Variants in SNAP91 observed in about 807,000 individuals in gnomAD.
The protein encoded by SNAP91 is synaptosome associated protein 91.
SNAP91 carries 27 observed loss-of-function variants against 100.3 expected under a neutral mutation model. The ratio of observed to expected loss-of-function variants is 0.27; its 90% CI spans 0.20 to 0.37. The LOEUF (loss-of-function observed/expected upper bound fraction) is 0.37. SNAP91 is among the 10% of genes least tolerant of loss of function. The probability of loss-of-function intolerance (pLI) is 1.00; values close to 1 mark genes in which losing one functional copy is unlikely to be tolerated. For synonymous variants in SNAP91, 404 were observed against 398.6 expected, an observed-to-expected ratio of 1.01 and a Z score of -0.16; for missense variants, 986 against 1,123.7, an observed-to-expected ratio of 0.88 and a Z score of 1.75.
intron 26 of SNAP91, among the ~76,000 whole-genome samples, chr6:83,573,255 GACCTCTTCA>G (rs1811711370): frequency 6.6e-6 from 1 of 152,104 alleles, no homozygotes; most frequent in Non-Finnish European, 1.5e-5. Flanking sequence ...GGATGTGAAG[GACCTCTTCA>G]AGGAGAACTA....
At chr6:83,580,102 C>A (rs1029072734) in intron 24 of SNAP91, among the ~76,000 whole-genome samples, 28 of 152,148 alleles carry the variant, frequency 1.8e-4, no homozygotes, top group Admixed American at 3.3e-4. Context: ...TACTATACTT[C>A]ATGTAAGTTA....
At chr6:83,694,884 G>T (rs1218878291) in intron 2 of SNAP91, among the ~76,000 whole-genome samples, 4 of 151,928 alleles carry the variant, frequency 2.6e-5, no homozygotes, top group East Asian at 3.9e-4. Flanking sequence ...GACTAATACG[G>T]GTATAAATTA....
chr6:83,707,128 C>A (rs1268996721), intron 2 of SNAP91, among the ~76,000 whole-genome samples: 3 of 152,170 alleles, frequency 2.0e-5, no homozygotes, highest in Non-Finnish European at 2.9e-5. Flanking sequence ...ATAGCATAGT[C>A]ATCTCACCCA....
rs537922835 is a variant in SNAP91, at chr6:83,589,541, T to C, written c.2014+1670A>G. Among the ~76,000 whole-genome samples the C allele has an allele frequency of 5.9e-5, 9 of 152,300 alleles. 1 individual carries two copies. The South Asian group carries it at 1.2e-3, about 21-fold the overall frequency. ...GCTTCTCAGCATAAGTTCTCAGCAA[T>C]ATCATGGTGGGGCCCTGGTTCTTCA... On this transcript the variant is annotated intron_variant, in intron 22 of 29. Transcript: ENST00000369694.
At chr6:83,565,887 T>C (rs1243842123) in intron 26 of SNAP91, among the ~76,000 whole-genome samples, 2 of 152,184 alleles carry the variant, frequency 1.3e-5, no homozygotes, top group Admixed American at 6.5e-5. Flanking sequence ...GTAGCTGCTA[T>C]GGAAACGCTT....
intron 2 of SNAP91, among the ~76,000 whole-genome samples, chr6:83,690,779 T>C (rs941502344): frequency 6.6e-6 from 1 of 152,060 alleles, no homozygotes; most frequent in African/African-American, 2.4e-5. Context: ...TAAATAGCAG[T>C]CTAAAAATTA....
chr6:83,665,384 C>A (rs13192685), intron 3 of SNAP91, 55 bp downstream of exon 3: 378,469 of 1,541,378 alleles, frequency 0.25, 49,271 homozygotes, highest in East Asian at 0.41. Context: ...CATCACCATG[C>A]TCTTCCTAAA....
At chr6:83,648,421 G>A (rs961560772) in intron 7 of SNAP91, among the ~76,000 whole-genome samples, 2 of 151,132 alleles carry the variant, frequency 1.3e-5, no homozygotes, top group Non-Finnish European at 2.9e-5. Flanking sequence ...ACATTCATGT[G>A]CTAGTCCTTG....
chr6:83,655,294 A>T (rs2128687519), intron 7 of SNAP91, among the ~76,000 whole-genome samples: 1 of 152,352 alleles, frequency 6.6e-6, no homozygotes, highest in African/African-American at 2.4e-5. Context: ...CATAGAGGAC[A>T]TGTGTATGTG....
At chr6:83,703,936 A>G (rs1220473621) in intron 2 of SNAP91, among the ~76,000 whole-genome samples, 1 of 152,242 alleles carries the variant, frequency 6.6e-6, no homozygotes, top group Non-Finnish European at 1.5e-5. Flanking sequence ...AGCACTATTA[A>G]CTGAAATGAA....
At chr6:83,654,142 T>C (rs1392335587) in intron 7 of SNAP91, among the ~76,000 whole-genome samples, 1 of 152,190 alleles carries the variant, frequency 6.6e-6, no homozygotes, top group African/African-American at 2.4e-5. Flanking sequence ...TTTTTAATTC[T>C]CAGACTTGGC....
In SNAP91 at chr6:83,589,406, T is replaced by C. The variant is rs77474616; in HGVS notation, c.2014+1805A>G. 1.2e-4 allele frequency among the ~76,000 whole-genome samples: 19 copies of C among 152,344 alleles called. No homozygotes were observed. The East Asian group carries it at 3.3e-3, about 26-fold the overall frequency. ...TATGATTTCCTTATGTTTTGATACT[T>C]GAACAAGGGTGAGAAATATTTTTCT... On this transcript the variant is annotated intron_variant, in intron 22 of 29. Coordinates refer to ENST00000369694, the MANE Select transcript of SNAP91 (RefSeq NM_001242792.2).
chr6:83,598,930 C>G (rs1015524684), intron 16 of SNAP91, among the ~76,000 whole-genome samples: 3 of 152,064 alleles, frequency 2.0e-5, no homozygotes, highest in Non-Finnish European at 2.9e-5. Flanking sequence ...TAGAACTAAA[C>G]AGATCAATAA....
chr6:83,606,725 C>A (rs2095639625), intron 13 of SNAP91, among the ~76,000 whole-genome samples: 1 of 152,122 alleles, frequency 6.6e-6, no homozygotes, highest in African/African-American at 2.4e-5. Flanking sequence ...AAGTAATATT[C>A]TTTTGAAGAA....
At chr6:83,704,109 G>A (rs2099351293) in intron 2 of SNAP91, among the ~76,000 whole-genome samples, 1 of 147,236 alleles carries the variant, frequency 6.8e-6, no homozygotes, top group African/African-American at 2.5e-5. Context: ...ATCCCTTAGG[G>A]CATCACATAC....
chr6:83,669,103 AG>A (rs1474150707), intron 2 of SNAP91, among the ~76,000 whole-genome samples: 1 of 152,078 alleles, frequency 6.6e-6, no homozygotes, highest in Admixed American at 6.6e-5. Context: ...CGTGAAAAAC[AG>A]AATTGTTTCA....
At chr6:83,685,817 A>G (rs1339392385) in intron 2 of SNAP91, among the ~76,000 whole-genome samples, 2 of 152,198 alleles carry the variant, frequency 1.3e-5, no homozygotes, top group Admixed American at 6.5e-5. Flanking sequence ...TCAATAGCCA[A>G]TCACCTACAA....
chr6:83,651,513 T>C lies in SNAP91; in HGVS notation c.658+5241A>G, dbSNP rs571370844. 3.3e-5 allele frequency among the ~76,000 whole-genome samples: 5 copies of C among 152,302 alleles called. No individual in the cohort carries two copies. The South Asian group carries it at 6.2e-4, about 19-fold the overall frequency. On this transcript the variant is annotated intron_variant, in intron 7 of 29. Coordinates refer to ENST00000369694, the MANE Select transcript of SNAP91 (RefSeq NM_001242792.2). Reference sequence around the variant, plus strand: ...TTTCTTCTTTGACCCATGTGTTATTTAGAAGTGTGTTTAATCTCCACCTAT... The same window carrying C: ...TTTCTTCTTTGACCCATGTGTTATTCAGAAGTGTGTTTAATCTCCACCTAT...
intron 2 of SNAP91, among the ~76,000 whole-genome samples, chr6:83,678,034 G>T (rs562538279): frequency 6.6e-6 from 1 of 152,224 alleles, no homozygotes; most frequent in South Asian, 2.1e-4. Context: ...GATATGAGCA[G>T]CTTGGGTTAC....
Sources: gnomAD v4.1 joint callset for allele counts (sites outside exome capture counted in the v4.1 genomes callset) on GRCh38, gnomAD v4.1.1 for gene constraint, MANE v1.5 for transcripts, NCBI Gene and HGNC (gene_info 2026-07-23, HGNC 2026-07-21) for gene names.